Variants in POU4F2 observed in about 807,000 individuals in gnomAD.
POU4F2 encodes POU domain, class 4, transcription factor 2.
In POU4F2, 10 loss-of-function variants were observed where a neutral mutation model predicts 21.5. The observed-to-expected ratio is 0.46, with a 90% CI of 0.29 to 0.79. The LOEUF is 0.79. Ranked by LOEUF, POU4F2 falls within the 30% of genes least tolerant of loss-of-function variation. The pLI is 0.10. For synonymous variants in POU4F2, 324 were observed against 271.1 expected (o/e 1.20, Z -1.92); for missense variants, 623 against 603.3 (o/e 1.03, Z -0.34).
In POU4F2 at chr4:146,639,340, G is replaced by GCGA. The variant is rs5862765; in HGVS notation, c.200_201insCGA (p.Gly67_Gly68insGlu). The stretch of plus-strand genomic sequence containing the variant: ...GGCGGCGGCGGCGGCGGCGGCGGCG[G>GCGA]AGGCCGAAGCAGCAGCTCCAGCAGC... On this transcript the variant is annotated inframe_insertion, in exon 1 of 2. Coordinates refer to ENST00000281321, the MANE Select transcript of POU4F2 (RefSeq NM_004575.3). The GCGA allele has an allele frequency of 6.7e-7, 1 of 1,496,988 alleles. No individual in the cohort carries two copies. Among genetic ancestry groups the GCGA allele is most frequent in the Non-Finnish European group, 8.9e-7 (1 of 1,126,740 alleles). The allele number at this position is 1,496,988 out of a possible 1,614,324, so 92.7% of individuals were successfully genotyped here.
In POU4F2 at chr4:146,639,434, T is replaced by C; in HGVS notation, c.288+6T>C. On this transcript the variant is annotated splice_donor_region_variant and intron_variant, in intron 1 of 1. Transcript: ENST00000281321. ...CCTGTCTTCCAACCCCACCGGTGCG[T>C]ATTTCTGCATAATCACCGCTTAAAG... 6.9e-7 allele frequency: 1 copy of C among 1,457,444 alleles called. No homozygotes were observed. Among genetic ancestry groups the C allele is most frequent in the Non-Finnish European group, 9.0e-7 (1 of 1,111,310 alleles). 90.3% of individuals were successfully genotyped at this position (1,457,444 alleles called of 1,614,324 possible). A position where few individuals can be genotyped will look rare whatever the true frequency, so the allele number is the denominator to read the frequency against.
In POU4F2 at chr4:146,639,909, G is replaced by A. The variant is rs776725541; in HGVS notation, c.331G>A (p.Ala111Thr). Residue 111 changes from alanine to threonine, a missense_variant, in exon 2 of 2, where the codon GCC becomes ACC. Around this residue, in one of 3 missense-constraint regions of POU4F2, gnomAD observed 523 missense variants for 504.1 expected, o/e 1.04. Coordinates refer to ENST00000281321, the MANE Select transcript of POU4F2 (RefSeq NM_004575.3). Reference sequence around the variant, plus strand: ...GCTGGATGAGAGTCTGCTGGCCCGCGCCGAGGCTCTGGCAGCCGTGGACAT... The same window carrying A: ...GCTGGATGAGAGTCTGCTGGCCCGCACCGAGGCTCTGGCAGCCGTGGACAT... ...GGLDESLLAR[A>T]EALAAVDIVS... 4.4e-6 allele frequency: 7 copies of A among 1,576,042 alleles called. No homozygotes were observed. The East Asian group carries it at 9.0e-5, about 20-fold the overall frequency.
rs367653245 is a variant in POU4F2 at position 146,640,640 on chromosome 4, G to T, written c.1062G>T (p.Ala354=). ...AGCGCAAGCGCACGTCCATCGCTGC[G>T]CCAGAGAAGCGCTCGCTCGAAGCCT... ...EKKRKRTSIA[A]PEKRSLEAYF... Residue 354 remains alanine, a synonymous_variant, in exon 2 of 2, where the codon GCG becomes GCT. Coordinates refer to ENST00000281321, the MANE Select transcript of POU4F2 (RefSeq NM_004575.3). The surrounding 1 kb of genome is among the most constrained non-coding windows in gnomAD (Gnocchi z 4.8). 1 of 1,614,226 alleles carries T rather than the reference G, an allele frequency of 6.2e-7. No homozygotes were observed. The highest frequency in any genetic ancestry group is 1.3e-5 in the African/African-American group (1 of 75,066).
Position 146,638,992 on chromosome 4 carries a change from C to G in POU4F2, c.-149C>G. On this transcript the variant is annotated 5_prime_UTR_variant, in exon 1 of 2. Coordinates refer to ENST00000281321, the MANE Select transcript of POU4F2 (RefSeq NM_004575.3). ...GAAGGAGCGCGTAGCCGAGATCAGG[C>G]GTACAGAGTCCGGAGGCGGCGGCGG... The G allele has an allele frequency of 1.0e-6, 1 of 968,906 alleles. No individual in the cohort carries two copies. The allele number at this position is 968,906 out of a possible 1,614,324, so 60.0% of individuals were successfully genotyped here. A position where few individuals can be genotyped will look rare whatever the true frequency, so the allele number is the denominator to read the frequency against.
rs373594627 is a variant in POU4F2, at chr4:146,640,295, C to T, written c.717C>T (p.His239=). 1.0e-5 allele frequency: 16 copies of T among 1,562,856 alleles called. No individual in the cohort carries two copies. The highest frequency in any genetic ancestry group is 1.7e-4 in the Middle Eastern group (1 of 5,884). ...CAGCGCTCAGCATGGCCCACGCGCA[C>T]GGGCTGCCGTCGCACATGGGCTGCA... ...HQAALSMAHA[H]GLPSHMGCMS... is the part of the protein sequence containing the mutation. Residue 239 remains histidine (H), a synonymous_variant, in exon 2 of 2, where the codon CAC becomes CAT. Transcript: ENST00000281321. This position sits in a 1 kb window ranked among gnomAD's most constrained non-coding sequence, Gnocchi z 4.8.
rs1740842159 is a variant in POU4F2 at position 146,639,981 on chromosome 4, C to T, written c.403C>T (p.Pro135Ser). Residue 135 changes from proline to serine, a missense_variant, in exon 2 of 2, where the codon CCC (proline) becomes TCC (serine). Coordinates refer to ENST00000281321, the MANE Select transcript of POU4F2 (RefSeq NM_004575.3). ...CCACCACCATCCACCCCACCACAGC[C>T]CCTTCAAACCGGACGCCACCTACCA... ...SHHHHPPHHS[P>S]FKPDATYHTM... 1 of 1,613,270 alleles carries T rather than the reference C, an allele frequency of 6.2e-7. No individual in the cohort carries two copies. The highest frequency in any genetic ancestry group is 1.3e-5 in the African/African-American group (1 of 75,054).
Position 146,640,604 on chromosome 4 carries a change from C to A in POU4F2, c.1026C>A (p.Gly342=), listed in dbSNP as rs1412606981. Residue 342 remains glycine, a synonymous_variant, in exon 2 of 2, where the codon GGC becomes GGA. Transcript: ENST00000281321. The surrounding 1 kb of genome is among the most constrained non-coding windows in gnomAD (Gnocchi z 4.8). ...TCACCAAGCCTGAACTCTTCAATGG[C>A]GCGGAGAAGAAGCGCAAGCGCACGT... is the stretch of plus-strand genomic sequence containing the variant. ...EKLTKPELFN[G]AEKKRKRTSI... 2 of 1,613,924 alleles carry A rather than the reference C, an allele frequency of 1.2e-6. No homozygotes were observed. Among genetic ancestry groups the A allele is most frequent in the Non-Finnish European group, 1.7e-6 (2 of 1,179,948 alleles).
rs1008177844 is a variant in POU4F2, at chr4:146,639,392, G to C, written c.252G>C (p.Ser84=). Residue 84 remains serine, a synonymous_variant, in exon 1 of 2, where the codon TCG becomes TCC. Transcript: ENST00000281321. The part of the protein sequence containing the change: ...SSSGSSGGGG[S]EAMRRACLPT... ...GTGGCAGCAGCGGCGGCGGGGGCTC[G>C]GAGGCTATGCGGAGAGCCTGTCTTC... 5 of 1,470,164 alleles carry C rather than the reference G, an allele frequency of 3.4e-6. No individual in the cohort carries two copies. The highest frequency in any genetic ancestry group is 3.6e-6 in the Non-Finnish European group (4 of 1,119,266). 91.1% of individuals were successfully genotyped at this position (1,470,164 alleles called of 1,614,324 possible).
In POU4F2 at chr4:146,639,320, C is replaced by T. The variant is rs1262849389; in HGVS notation, c.180C>T (p.Gly60=). The part of the protein sequence containing the change: ...SSNAGGGGGG[G]GGGGGGGGRS... Reference sequence around the variant, plus strand: ...ACGCTGGTGGTGGCGGCGGCGGCGGCGGCGGCGGCGGCGGCGGCGGAGGCC... The same window carrying T: ...ACGCTGGTGGTGGCGGCGGCGGCGGTGGCGGCGGCGGCGGCGGCGGAGGCC... Residue 60 remains glycine, a synonymous_variant, in exon 1 of 2, where the codon GGC becomes GGT. Coordinates refer to ENST00000281321, the MANE Select transcript of POU4F2 (RefSeq NM_004575.3). 20 of 1,429,068 alleles carry T rather than the reference C, an allele frequency of 1.4e-5. No individual in the cohort carries two copies. The highest frequency in any genetic ancestry group is 3.0e-5 in the Admixed American group (1 of 33,860). The allele number at this position is 1,429,068 out of a possible 1,614,324, so 88.5% of individuals were successfully genotyped here.
In POU4F2 at chr4:146,640,428, G is replaced by C; in HGVS notation, c.850G>C (p.Ala284Pro). The stretch of plus-strand genomic sequence containing the variant: ...CCAGGCAGATGTGGGCTCCGCGCTG[G>C]CCAACCTCAAGATCCCCGGCGTGGG... ...VTQADVGSAL[A>P]NLKIPGVGSL... Residue 284 changes from alanine to proline, a missense_variant, in exon 2 of 2, where the codon GCC becomes CCC. Ala to Pro is a conservative substitution (Grantham distance 27, BLOSUM62 -1). Coordinates refer to ENST00000281321, the MANE Select transcript of POU4F2 (RefSeq NM_004575.3). This position sits in a 1 kb window ranked among gnomAD's most constrained non-coding sequence, Gnocchi z 4.8. 1.9e-6 allele frequency: 3 copies of C among 1,612,592 alleles called. No homozygotes were observed. The highest frequency in any genetic ancestry group is 2.5e-6 in the Non-Finnish European group (3 of 1,179,858).
Position 146,640,088 on chromosome 4 carries a change from G to C in POU4F2, c.510G>C (p.Thr170=). 1.2e-6 allele frequency: 2 copies of C among 1,603,728 alleles called. No individual in the cohort carries two copies. Among genetic ancestry groups the C allele is most frequent in the Non-Finnish European group, 1.7e-6 (2 of 1,179,496 alleles). Residue 170 remains threonine, a synonymous_variant, in exon 2 of 2, where the codon ACG becomes ACC. Coordinates refer to ENST00000281321, the MANE Select transcript of POU4F2 (RefSeq NM_004575.3). This position sits in a 1 kb window ranked among gnomAD's most constrained non-coding sequence, Gnocchi z 4.8. ...PISHPSALAG[T]HHHHHHHHHH... is the part of the protein sequence containing the mutation. ...CGCACCCTTCCGCGTTGGCGGGCAC[G>C]CACCACCACCACCACCATCACCACC...
At position 146,640,342 on chromosome 4, in the gene POU4F2, C is replaced by T. The variant is rs753645099; in HGVS notation, c.764C>T (p.Pro255Leu). 9 of 1,584,912 alleles carry T rather than the reference C, an allele frequency of 5.7e-6. No homozygotes were observed. The South Asian group carries it at 6.9e-5, about 12-fold the overall frequency. ...MGCMSDVDADPRDLEAFAERF... is the reference protein window; with the variant it reads ...MGCMSDVDADLRDLEAFAERF... ...TGCATGAGCGACGTGGACGCCGACC[C>T]GCGGGACCTGGAGGCATTCGCCGAG... Residue 255 changes from proline to leucine, a missense_variant, in exon 2 of 2, where the codon CCG (proline) becomes CTG (leucine). Coordinates refer to ENST00000281321, the MANE Select transcript of POU4F2 (RefSeq NM_004575.3). This position sits in a 1 kb window ranked among gnomAD's most constrained non-coding sequence, Gnocchi z 4.8.
chr4:146,640,582 C>G lies in POU4F2; in HGVS notation c.1004C>G (p.Thr335Ser), dbSNP rs1177264201. 6.2e-7 allele frequency: 1 copy of G among 1,613,938 alleles called. No homozygotes were observed. The highest frequency in any genetic ancestry group is 2.2e-5 in the East Asian group (1 of 44,874). The part of the protein sequence containing the change: ...EAEKSHREKL[T>S]KPELFNGAEK... ...GAGAAGTCCCACCGCGAGAAGCTCA[C>G]CAAGCCTGAACTCTTCAATGGCGCG... is the stretch of plus-strand genomic sequence containing the variant. Residue 335 changes from threonine to serine, a missense_variant, in exon 2 of 2, where the codon ACC becomes AGC. Around this residue, in one of 3 missense-constraint regions of POU4F2, gnomAD observed 523 missense variants for 504.1 expected, o/e 1.04. Coordinates refer to ENST00000281321, the MANE Select transcript of POU4F2 (RefSeq NM_004575.3). This position sits in a 1 kb window ranked among gnomAD's most constrained non-coding sequence, Gnocchi z 4.8.
rs61733420 is a variant in POU4F2, at chr4:146,640,520, G to C, written c.942G>C (p.Ala314=). 1 of 1,614,084 alleles carries C rather than the reference G, an allele frequency of 6.2e-7. No homozygotes were observed. The change falls in exon 2 of 2, where the codon GCG becomes GCC. Residue 314 remains alanine, a synonymous_variant. Transcript: ENST00000281321. This position sits in a 1 kb window ranked among gnomAD's most constrained non-coding sequence, Gnocchi z 4.8. ...SLTLSHNNMI[A]LKPILQAWLE... The stretch of plus-strand genomic sequence containing the variant: ...CACTGTCCCACAATAATATGATCGC[G>C]CTCAAACCCATCCTGCAGGCATGGC...
Position 146,641,141 on chromosome 4 carries a change from A to C in POU4F2, c.*333A>C. The C allele has an allele frequency of 4.5e-6, 1 of 220,924 alleles. No homozygotes were observed. The highest frequency in any genetic ancestry group is 8.7e-6 in the Non-Finnish European group (1 of 114,400). 13.7% of individuals were successfully genotyped at this position (220,924 alleles called of 1,614,324 possible). On this transcript the variant is annotated 3_prime_UTR_variant, in exon 2 of 2. Coordinates refer to ENST00000281321, the MANE Select transcript of POU4F2 (RefSeq NM_004575.3). ...GACAGTGTTTAAAAAGTCCACAAGA[A>C]TGATCAAGTAAGATTTGTTTTTATT...
Position 146,640,834 on chromosome 4 carries a change from C to T in POU4F2, c.*26C>T. Reference sequence around the variant, plus strand: ...AAGACTCTTGGCCTCTCCAGAGACGCCCCTTTCCTCGTCCGCTCTTTTCTC... The same window carrying T: ...AAGACTCTTGGCCTCTCCAGAGACGTCCCTTTCCTCGTCCGCTCTTTTCTC... On this transcript the variant is annotated 3_prime_UTR_variant, in exon 2 of 2. Coordinates refer to ENST00000281321, the MANE Select transcript of POU4F2 (RefSeq NM_004575.3). The surrounding 1 kb of genome is among the most constrained non-coding windows in gnomAD (Gnocchi z 4.8). 6.5e-7 allele frequency: 1 copy of T among 1,541,070 alleles called. No homozygotes were observed. The highest frequency in any genetic ancestry group is 1.3e-5 in the South Asian group (1 of 78,552).
In POU4F2 at chr4:146,640,747, G is replaced by T; in HGVS notation, c.1169G>T (p.Arg390Leu). 1 of 1,613,922 alleles carries T rather than the reference G, an allele frequency of 6.2e-7. No homozygotes were observed. The highest frequency in any genetic ancestry group is 8.5e-7 in the Non-Finnish European group (1 of 1,179,962). ...CTGGACCTGAAGAAAAACGTGGTGC[G>T]CGTCTGGTTCTGCAACCAGAGGCAG... is the stretch of plus-strand genomic sequence containing the variant. The part of the protein sequence containing the change: ...EKLDLKKNVV[R>L]VWFCNQRQKQ... Residue 390 changes from arginine (R) to leucine (L), a missense_variant, in exon 2 of 2, where the codon CGC (arginine) becomes CTC (leucine). By Grantham distance (102) the Arg-to-Leu change is moderately radical (BLOSUM62 -2). This residue lies in a region of POU4F2 where 523 missense variants were observed against 504.1 expected (regional missense o/e 1.04). Coordinates refer to ENST00000281321, the MANE Select transcript of POU4F2 (RefSeq NM_004575.3). This position sits in a 1 kb window ranked among gnomAD's most constrained non-coding sequence, Gnocchi z 4.8.
chr4:146,639,299 T>TGGC lies in POU4F2; in HGVS notation c.161_162insCGG (p.Gly68dup). On this transcript the variant is annotated inframe_insertion, in exon 1 of 2. Coordinates refer to ENST00000281321, the MANE Select transcript of POU4F2 (RefSeq NM_004575.3). ...GCTCCCCCAGCAGCTCGAGCAACGC[T>TGGC]GGTGGTGGCGGCGGCGGCGGCGGCG... is the stretch of plus-strand genomic sequence containing the variant. The TGGC allele has an allele frequency of 6.8e-7, 1 of 1,466,118 alleles. No individual in the cohort carries two copies. Among genetic ancestry groups the TGGC allele is most frequent in the Non-Finnish European group, 9.0e-7 (1 of 1,116,912 alleles). The allele number at this position is 1,466,118 out of a possible 1,614,324, so 90.8% of individuals were successfully genotyped here.
rs778905155 is a variant in POU4F2 at position 146,640,364 on chromosome 4, C to T, written c.786C>T (p.Ala262=). ...ACCCGCGGGACCTGGAGGCATTCGC[C>T]GAGCGCTTCAAGCAGCGACGCATCA... ...DADPRDLEAF[A]ERFKQRRIKL... is the part of the protein sequence containing the mutation. Residue 262 remains alanine, a synonymous_variant, in exon 2 of 2, where the codon GCC becomes GCT. Transcript: ENST00000281321. This position sits in a 1 kb window ranked among gnomAD's most constrained non-coding sequence, Gnocchi z 4.8. The T allele has an allele frequency of 1.4e-5, 22 of 1,597,652 alleles. No homozygotes were observed. The highest frequency in any genetic ancestry group is 1.6e-5 in the Non-Finnish European group (19 of 1,174,598).
Sources: allele counts gnomAD v4.1 joint callset, GRCh38; gene constraint gnomAD v4.1.1; regional missense constraint gnomAD v4.1.1; non-coding constraint Gnocchi (gnomAD v3.1); transcripts MANE v1.5; gene names NCBI Gene and HGNC (gene_info 2026-07-23, HGNC 2026-07-21).